The following KCNMA1 variants were observed in gnomAD, a reference collection of about 807,000 sequenced individuals.
The protein encoded by KCNMA1 is Calcium-activated potassium channel subunit alpha-1.
KCNMA1 carries 29 observed loss-of-function variants against 140.0 expected under a neutral mutation model. The ratio of observed to expected loss-of-function variants is 0.21; its 90% CI spans 0.15 to 0.28. KCNMA1 has a LOEUF of 0.28. Among genes scored for constraint, KCNMA1 ranks in the 10% least tolerant of loss-of-function variants. The pLI is 1.00. For missense variants in KCNMA1, 880 were observed against 1,602.2 expected (o/e 0.55, Z 7.70); for synonymous variants, 612 against 611.9 (o/e 1.00, Z 0.00).
At chr10:77,522,171 C>T (rs964169757) in intron 1 of KCNMA1, among the ~76,000 whole-genome samples, 18 of 102,594 alleles carry the variant, frequency 1.8e-4, no homozygotes, top group Non-Finnish European at 7.1e-5. Flanking sequence ...GAGCAAGACT[C>T]CATCTCAAAA....
At chr10:77,180,083 C>G (rs551469888) in intron 5 of KCNMA1, among the ~76,000 whole-genome samples, 3 of 152,178 alleles carry the variant, frequency 2.0e-5, no homozygotes, top group Admixed American at 2.0e-4. Flanking sequence ...AGCCAGCTAC[C>G]GCACAGTCCT....
chr10:77,138,102 G>A lies in KCNMA1; in HGVS notation c.809-17054C>T, dbSNP rs188991280. Among the ~76,000 whole-genome samples the A allele has an allele frequency of 4.0e-3, 613 of 152,236 alleles. 6 individuals are homozygous for A. Among genetic ancestry groups the A allele is most frequent in the African/African-American group, 0.014 (598 of 41,526 alleles). ...TCATTCACCCACACACATGCACAGAGTCACTGCTTCCACCACCCCTTGTGG... is the reference window on the plus strand; with the variant it reads ...TCATTCACCCACACACATGCACAGAATCACTGCTTCCACCACCCCTTGTGG... On this transcript the variant is annotated intron_variant, in intron 5 of 27. Coordinates refer to ENST00000286628, the MANE Select transcript of KCNMA1 (RefSeq NM_001161352.2).
At chr10:77,520,381 A>C (rs973777563) in intron 1 of KCNMA1, among the ~76,000 whole-genome samples, 1 of 151,788 alleles carries the variant, frequency 6.6e-6, no homozygotes, top group Non-Finnish European at 1.5e-5. Flanking sequence ...GTTGGTTTCC[A>C]ACTTTACCAG....
chr10:77,356,599 A>C (rs768856359), intron 2 of KCNMA1, among the ~76,000 whole-genome samples: 6 of 152,194 alleles, frequency 3.9e-5, no homozygotes, highest in Non-Finnish European at 8.8e-5. Context: ...ATCAAACAGG[A>C]AGAAATCACC....
chr10:77,504,372 A>G (rs1365607761), intron 1 of KCNMA1, among the ~76,000 whole-genome samples: 1 of 152,150 alleles, frequency 6.6e-6, no homozygotes, highest in Non-Finnish European at 1.5e-5. Context: ...TACACCCTGC[A>G]GAGGAGAAGC....
chr10:76,920,755 C>T (rs916243305), intron 23 of KCNMA1, among the ~76,000 whole-genome samples: 3 of 152,218 alleles, frequency 2.0e-5, no homozygotes, highest in Admixed American at 6.5e-5. Context: ...CAGGCTGTGC[C>T]GCATCCCTGA....
At chr10:77,004,213 CCACACACACACA>C (rs35789536) in intron 18 of KCNMA1, among the ~76,000 whole-genome samples, 12 of 144,368 alleles carry the variant, frequency 8.3e-5, no homozygotes, top group South Asian at 4.5e-4. Flanking sequence ...ACAAGTGCCA[CCACACACACACA>C]CACACACACA....
intron 24 of KCNMA1, chr10:76,911,231 A>G (rs995489667): frequency 2.6e-5 from 4 of 152,148 alleles, no homozygotes; most frequent in Middle Eastern, 3.4e-3. Context: ...TGTTTACTGT[A>G]TGAAGCAGAA....
chr10:77,151,292 G>C (rs1173507247), intron 5 of KCNMA1, among the ~76,000 whole-genome samples: 1 of 151,404 alleles, frequency 6.6e-6, no homozygotes, highest in Admixed American at 6.6e-5. Flanking sequence ...AGTGGTGCCA[G>C]ATCAGCTCAC....
At chr10:77,517,172 A>G (rs556487217) in intron 1 of KCNMA1, among the ~76,000 whole-genome samples, 188 of 152,066 alleles carry the variant, frequency 1.2e-3, no homozygotes, top group African/African-American at 4.4e-3. Flanking sequence ...TACCCTTGGC[A>G]CTCCAGGAAG....
intron 1 of KCNMA1, among the ~76,000 whole-genome samples, chr10:77,511,531 C>T (rs1230440110): frequency 6.6e-6 from 1 of 152,142 alleles, no homozygotes; most frequent in Non-Finnish European, 1.5e-5. Flanking sequence ...ACTTCCCAAG[C>T]CACAGCCTCT....
At chr10:77,202,145 T>C (rs1298220437) in intron 3 of KCNMA1, among the ~76,000 whole-genome samples, 1 of 152,244 alleles carries the variant, frequency 6.6e-6, no homozygotes, top group Non-Finnish European at 1.5e-5. Context: ...CTGATTTCTT[T>C]AACAAACATT....
intron 1 of KCNMA1, among the ~76,000 whole-genome samples, chr10:77,526,856 C>T (rs1659784): frequency 0.085 from 12,906 of 152,010 alleles, 696 homozygotes; most frequent in Admixed American, 0.14. Context: ...TCTCCAACTT[C>T]CCATCCTCCC....
At chr10:77,003,978 C>T (rs1402689855) in intron 18 of KCNMA1, among the ~76,000 whole-genome samples, 1 of 152,086 alleles carries the variant, frequency 6.6e-6, no homozygotes, top group Admixed American at 6.6e-5. Context: ...TTCTGGCGAC[C>T]ATGCATTGTT....
intron 5 of KCNMA1, among the ~76,000 whole-genome samples, chr10:77,162,139 A>T (rs2098561983): frequency 1.3e-5 from 2 of 152,206 alleles, no homozygotes; most frequent in African/African-American, 2.4e-5. Context: ...CCCCATTCCA[A>T]GCATCCTTTT....
At chr10:76,992,097 C>A (rs573339310) in intron 19 of KCNMA1, among the ~76,000 whole-genome samples, 1 of 152,112 alleles carries the variant, frequency 6.6e-6, no homozygotes, top group African/African-American at 2.4e-5. Flanking sequence ...ACTCATCTTG[C>A]GGTATTGAAG....
chr10:77,272,314 C>T (rs2065380057), intron 2 of KCNMA1, among the ~76,000 whole-genome samples: 2 of 152,162 alleles, frequency 1.3e-5, no homozygotes, highest in South Asian at 2.1e-4. Flanking sequence ...AATGAATACC[C>T]TCCTTAAAGT....
At chr10:77,507,476 G>T (rs966720192) in intron 1 of KCNMA1, among the ~76,000 whole-genome samples, 12 of 152,248 alleles carry the variant, frequency 7.9e-5, no homozygotes, top group Admixed American at 4.6e-4. Flanking sequence ...AAAATCTCTG[G>T]ACTAGAACCA....
intron 3 of KCNMA1, chr10:77,250,101 T>C (rs895838700): frequency 1.1e-4 from 16 of 152,284 alleles, no homozygotes; most frequent in African/African-American, 3.8e-4. Flanking sequence ...CTCTGAGAAA[T>C]TCTGAGTTTA....
Sources: gnomAD v4.1 joint callset for allele counts (sites outside exome capture counted in the v4.1 genomes callset) on GRCh38, gnomAD v4.1.1 for gene constraint, MANE v1.5 for transcripts, NCBI Gene and HGNC (gene_info 2026-07-23, HGNC 2026-07-21) for gene names.